The following FBXL7 variants were observed in gnomAD, a reference collection of about 807,000 sequenced individuals.
FBXL7 encodes F-box and leucine rich repeat protein 7.
A neutral mutation model predicts 38.3 loss-of-function variants in FBXL7; 12 were observed. The observed-to-expected ratio is 0.31, with a 90% CI of 0.20 to 0.51. The LOEUF is 0.51. FBXL7 is among the 20% of genes least tolerant of loss of function. The pLI is 0.98. For missense variants in FBXL7, 567 were observed against 676.4 expected (o/e 0.84, Z 1.79); for synonymous variants, 297 against 300.9 (o/e 0.99, Z 0.13).
In FBXL7 at chr5:15,831,359, A is replaced by G. The variant is rs947314907; in HGVS notation, c.128-96531A>G. 4.6e-5 allele frequency among the ~76,000 whole-genome samples: 7 copies of G among 152,046 alleles called. No homozygotes were observed. The South Asian group carries it at 1.5e-3, about 32-fold the overall frequency. ...AGTGATACTAAGTGGTATTCTCCCT[A>G]TTTGGGGAAGACCTGGAACAGGAGG... On this transcript the variant is annotated intron_variant, in intron 2 of 3. Transcript: ENST00000504595.
At position 15,749,170 on chromosome 5, in the gene FBXL7, A is replaced by G. The variant is rs192418369; in HGVS notation, c.127+133098A>G. Among the ~76,000 whole-genome samples the G allele has an allele frequency of 8.1e-3, 1,171 of 145,362 alleles. 8 individuals are homozygous for G. Among genetic ancestry groups the G allele is most frequent in the Middle Eastern group, 0.019 (5 of 266 alleles). The stretch of plus-strand genomic sequence containing the variant: ...TGAGGCAGGAGAATTGCTTGAGCCC[A>G]GGAGACAGAGGTTGCAGTGAGCAGA... On this transcript the variant is annotated intron_variant, in intron 2 of 3. Transcript: ENST00000504595.
intron 2 of FBXL7, among the ~76,000 whole-genome samples, chr5:15,795,312 G>A (rs577623649): frequency 1.1e-4 from 16 of 152,240 alleles, no homozygotes; most frequent in South Asian, 8.3e-4. Context: ...GATGTTTTCC[G>A]TATATCATCA....
intron 2 of FBXL7, among the ~76,000 whole-genome samples, chr5:15,839,998 G>A (rs1201800216): frequency 2.0e-5 from 3 of 152,048 alleles, no homozygotes; most frequent in Non-Finnish European, 4.4e-5. Flanking sequence ...AACCATTTTT[G>A]TCCAGAGTAA....
chr5:15,681,716 T>C (rs571860076), intron 2 of FBXL7, among the ~76,000 whole-genome samples: 1 of 152,362 alleles, frequency 6.6e-6, no homozygotes, highest in South Asian at 2.1e-4. Flanking sequence ...AATACAGCCA[T>C]CTATACTTTG....
intron 1 of FBXL7, among the ~76,000 whole-genome samples, chr5:15,509,547 T>C (rs1736736927): frequency 6.6e-6 from 1 of 152,164 alleles, no homozygotes; most frequent in African/African-American, 2.4e-5. Context: ...CTGGACAACG[T>C]CTTTAATTCC....
chr5:15,592,606 G>A (rs180839266), intron 1 of FBXL7, among the ~76,000 whole-genome samples: 37 of 152,290 alleles, frequency 2.4e-4, no homozygotes, highest in Admixed American at 7.8e-4. Context: ...TCATGGAAAT[G>A]TTGTGCCATT....
chr5:15,638,236 A>G (rs185755299), intron 2 of FBXL7, among the ~76,000 whole-genome samples: 1 of 152,196 alleles, frequency 6.6e-6, no homozygotes, highest in African/African-American at 2.4e-5. Flanking sequence ...TTCACAGAGG[A>G]GCTGATGTCT....
chr5:15,904,503 C>T (rs538044061), intron 2 of FBXL7, among the ~76,000 whole-genome samples: 259 of 152,178 alleles, frequency 1.7e-3, no homozygotes, highest in African/African-American at 5.8e-3. Flanking sequence ...TTGGTCTTTA[C>T]ACAATTCGAA....
intron 2 of FBXL7, among the ~76,000 whole-genome samples, chr5:15,854,389 T>C (rs1332166189): frequency 2.0e-5 from 3 of 152,236 alleles, no homozygotes; most frequent in African/African-American, 4.8e-5. Flanking sequence ...TTAATTATTC[T>C]ATCTTTCAGT....
intron 2 of FBXL7, among the ~76,000 whole-genome samples, chr5:15,892,146 A>T (rs946041165): frequency 6.6e-6 from 1 of 152,236 alleles, no homozygotes; most frequent in African/African-American, 2.4e-5. Context: ...CCTGGGGGAC[A>T]GGGGAACAAA....
intron 2 of FBXL7, among the ~76,000 whole-genome samples, chr5:15,705,811 A>G (rs1743664197): frequency 6.6e-6 from 1 of 152,124 alleles, no homozygotes; most frequent in Admixed American, 6.5e-5. Flanking sequence ...TCATAATCTA[A>G]TGGGTTCAAT....
At chr5:15,697,038 A>C (rs1743360536) in intron 2 of FBXL7, among the ~76,000 whole-genome samples, 2 of 152,154 alleles carry the variant, frequency 1.3e-5, no homozygotes, top group Non-Finnish European at 2.9e-5. Context: ...GTTGCTGTGG[A>C]GTGATTGAGT....
intron 3 of FBXL7, among the ~76,000 whole-genome samples, chr5:15,930,186 G>A (rs893467221): frequency 2.0e-5 from 3 of 152,202 alleles, no homozygotes; most frequent in African/African-American, 4.8e-5. Flanking sequence ...CAGGAAACCA[G>A]GAGGTTTTCT....
chr5:15,629,328 C>G (rs989809931), intron 2 of FBXL7, among the ~76,000 whole-genome samples: 3 of 152,070 alleles, frequency 2.0e-5, no homozygotes, highest in Admixed American at 1.3e-4. Flanking sequence ...GCAAAGGGTT[C>G]CTGCTGCCGT....
At chr5:15,506,713 A>G (rs1400733085) in intron 1 of FBXL7, among the ~76,000 whole-genome samples, 1 of 151,882 alleles carries the variant, frequency 6.6e-6, no homozygotes, top group Non-Finnish European at 1.5e-5. Context: ...CTGTGAGGGA[A>G]AGAGAGCAAG....
Position 15,928,139 on chromosome 5 carries a change from T to A in FBXL7, c.377T>A (p.Phe126Tyr), listed in dbSNP as rs752830572. ...CCGGACCACTCCATGGTGCAGATCT[T>A]CTCCTTCCTGCCCACCAACCAGCTG... ...RLPDHSMVQI[F>Y]SFLPTNQLCR... The change falls in exon 3 of 4, where the codon TTC becomes TAC. Residue 126 changes from phenylalanine to tyrosine, a missense_variant. By Grantham distance (22) the Phe-to-Tyr change is conservative. Coordinates refer to ENST00000504595, the MANE Select transcript of FBXL7 (RefSeq NM_012304.5). The surrounding 1 kb of genome is among the most constrained non-coding windows in gnomAD (Gnocchi z 4.0). The A allele has an allele frequency of 1.9e-6, 3 of 1,609,886 alleles. No homozygotes were observed. The highest frequency in any genetic ancestry group is 1.7e-6 in the Non-Finnish European group (2 of 1,178,772).
chr5:15,629,346 C>G (rs967556623), intron 2 of FBXL7, among the ~76,000 whole-genome samples: 4 of 152,082 alleles, frequency 2.6e-5, no homozygotes, highest in Non-Finnish European at 4.4e-5. Context: ...CGTGGGCTCA[C>G]TTTTATCAAA....
At chr5:15,577,208 C>T (rs546705811) in intron 1 of FBXL7, among the ~76,000 whole-genome samples, 2 of 152,138 alleles carry the variant, frequency 1.3e-5, no homozygotes, top group African/African-American at 4.8e-5. Context: ...AGCTGTGTCC[C>T]TTCCTGAGAA....
intron 1 of FBXL7, among the ~76,000 whole-genome samples, chr5:15,577,594 TTGTGTGTGTGTGTGTGTGTGTG>T (rs34405217): frequency 0.38 from 56,268 of 147,652 alleles, 10,666 homozygotes; most frequent in African/African-American, 0.43. Context: ...GTAATGCATT[TTGTGTGTGTGTGTGTGTGTGTG>T]TGTGTGTGTG....
Sources: allele counts gnomAD v4.1 joint callset (sites outside exome capture counted in the v4.1 genomes callset), GRCh38; gene constraint gnomAD v4.1.1; non-coding constraint Gnocchi (gnomAD v3.1); transcripts MANE v1.5; gene names NCBI Gene and HGNC (gene_info 2026-07-23, HGNC 2026-07-21).